Variants in MTCL1 observed in about 807,000 individuals in gnomAD.
MTCL1 encodes microtubule crosslinking factor 1.
A neutral mutation model predicts 141.4 loss-of-function variants in MTCL1; 79 were observed. The ratio of observed to expected loss-of-function variants is 0.56; its 90% CI spans 0.47 to 0.67. MTCL1 has a LOEUF of 0.67. MTCL1 is among the 30% of genes least tolerant of loss of function. MTCL1 has a pLI of 0.00. For missense variants in MTCL1, 2,177 were observed against 2,113.9 expected (o/e 1.03, Z -0.59); for synonymous variants, 914 against 875.8 (o/e 1.04, Z -0.77).
At chr18:8,772,662 A>G (rs2096489559) in intron 4 of MTCL1, among the ~76,000 whole-genome samples, 1 of 151,056 alleles carries the variant, frequency 6.6e-6, no homozygotes, top group Admixed American at 6.6e-5. Flanking sequence ...CATGTTATGT[A>G]TATAACATAA....
At chr18:8,805,734 G>T (rs1304593551) in intron 10 of MTCL1, among the ~76,000 whole-genome samples, 15 of 152,160 alleles carry the variant, frequency 9.9e-5, no homozygotes, top group Non-Finnish European at 1.8e-4. Context: ...GTGGGACTTA[G>T]AGAGCTTTTA....
intron 6 of MTCL1, 27 bp downstream of exon 5, chr18:8,784,870 C>G (rs916415410): frequency 6.5e-7 from 1 of 1,535,388 alleles, no homozygotes; most frequent in Admixed American, 1.9e-5. Flanking sequence ...CTTCGCCTCC[C>G]TGCTCCGCCT....
intron 4 of MTCL1, among the ~76,000 whole-genome samples, chr18:8,761,529 G>T (rs539972608): frequency 2.4e-4 from 36 of 152,190 alleles, no homozygotes; most frequent in Admixed American, 1.0e-3. Flanking sequence ...GGTGACCTCT[G>T]TTCTTTCTAT....
exon 15 of MTCL1, chr18:8,826,010 G>A (rs756126767): frequency 6.2e-7 from 1 of 1,608,620 alleles, no homozygotes; most frequent in South Asian, 1.1e-5. Flanking sequence ...TTGGGGTGGG[G>A]TCAGAGATGT....
chr18:8,715,611 A>C (rs904567781), upstream of MTCL1, among the ~76,000 whole-genome samples: 3 of 152,242 alleles, frequency 2.0e-5, no homozygotes, highest in African/African-American at 7.2e-5. Flanking sequence ...ACTCAGAAAC[A>C]AGCATTGCGG....
At chr18:8,823,561 A>G (rs139589576) in intron 14 of MTCL1, among the ~76,000 whole-genome samples, 2 of 152,198 alleles carry the variant, frequency 1.3e-5, no homozygotes, top group African/African-American at 4.8e-5. Flanking sequence ...ACCCATCCCT[A>G]CCATTGCCCT....
chr18:8,820,210 C>G (rs2076797225), intron 13 of MTCL1, among the ~76,000 whole-genome samples: 1 of 152,046 alleles, frequency 6.6e-6, no homozygotes, highest in African/African-American at 2.4e-5. Flanking sequence ...GAGATCGAGA[C>G]CATCCTGGCT....
intron 12 of MTCL1, among the ~76,000 whole-genome samples, chr18:8,816,270 C>A (rs3852835): frequency 0.25 from 37,367 of 151,978 alleles, 4,947 homozygotes; most frequent in Middle Eastern, 0.32. Flanking sequence ...ACTTGGTAAG[C>A]CATATAATAT....
intron 4 of MTCL1, among the ~76,000 whole-genome samples, chr18:8,750,554 G>T (rs1203044902): frequency 6.6e-6 from 1 of 152,184 alleles, no homozygotes; most frequent in East Asian, 1.9e-4. Context: ...GAGGAAGGAA[G>T]GAAGTTTCTA....
At chr18:8,748,587 C>G (rs1317518674) in intron 4 of MTCL1, among the ~76,000 whole-genome samples, 1 of 152,092 alleles carries the variant, frequency 6.6e-6, no homozygotes, top group Non-Finnish European at 1.5e-5. Flanking sequence ...TATGCACACA[C>G]ACACACATAT....
intron 15 of MTCL1, among the ~76,000 whole-genome samples, chr18:8,827,158 C>T (rs11872775): frequency 0.013 from 1,928 of 152,324 alleles, 44 homozygotes; most frequent in African/African-American, 0.044. Flanking sequence ...AGGCTGCTCC[C>T]GCAGATGGCG....
intron 13 of MTCL1, 54 bp downstream of exon 12, chr18:8,819,313 A>T: frequency 6.3e-7 from 1 of 1,582,066 alleles, no homozygotes; most frequent in Admixed American, 1.7e-5. Context: ...GGGAGCCGTC[A>T]TGAAACCTAA....
intron 9 of MTCL1, among the ~76,000 whole-genome samples, chr18:8,797,221 C>T (rs574729137): frequency 6.6e-6 from 1 of 152,270 alleles, no homozygotes; most frequent in East Asian, 1.9e-4. Context: ...AACTTTTGCT[C>T]TTCTTTCTAT....
intron 4 of MTCL1, among the ~76,000 whole-genome samples, chr18:8,762,522 G>T (rs1452895194): frequency 6.6e-6 from 1 of 152,274 alleles, no homozygotes; most frequent in Non-Finnish European, 1.5e-5. Flanking sequence ...GGGTGATGGA[G>T]TCTTCCTTGG....
At chr18:8,781,564 G>C (rs1469809590) in intron 5 of MTCL1, among the ~76,000 whole-genome samples, 1 of 152,152 alleles carries the variant, frequency 6.6e-6, no homozygotes, top group East Asian at 1.9e-4. Context: ...TTGTGTTTCA[G>C]ACAAATAAGA....
At position 8,809,513 on chromosome 18, in the gene MTCL1, T is replaced by C. The variant is rs536165382; in HGVS notation, c.2604+2453T>C. 1.4e-4 allele frequency: 221 copies of C among 1,536,240 alleles called. 1 individual carries two copies. Among genetic ancestry groups the C allele is most frequent in the Non-Finnish European group, 1.9e-4 (213 of 1,146,894 alleles). On this transcript the variant is annotated intron_variant, in intron 11 of 16. Coordinates refer to ENST00000359865, the Ensembl canonical transcript of MTCL1. Reference sequence around the variant, plus strand: ...CTTTAGGCTTCACCAGGCTGCCAGCTGGGTCCACGGTAAAAACGTTGAAGA... The same window carrying C: ...CTTTAGGCTTCACCAGGCTGCCAGCCGGGTCCACGGTAAAAACGTTGAAGA...
chr18:8,743,494 C>T (rs1432750448), intron 4 of MTCL1, among the ~76,000 whole-genome samples: 2 of 152,218 alleles, frequency 1.3e-5, no homozygotes, highest in East Asian at 1.9e-4. Flanking sequence ...ATAGTACTGT[C>T]GTTCAGATGT....
intron 6 of MTCL1, 74 bp downstream of exon 5, chr18:8,784,917 GGCTCACGCT>G (rs2096546072): frequency 1.5e-6 from 2 of 1,333,300 alleles, no homozygotes; most frequent in South Asian, 1.4e-5. Context: ...GCTGCACTCG[GGCTCACGCT>G]GCTCACGGCT....
In MTCL1 at chr18:8,779,517, T is replaced by A. The variant is rs533495197; in HGVS notation, c.417+1625T>A. ...GAGCTGAAGCTGTGATTCCACATCT[T>A]ATGAGAAGGAGTGGCTTCCCCTACT... On this transcript the variant is annotated intron_variant, in intron 5 of 16. Coordinates refer to ENST00000359865, the Ensembl canonical transcript of MTCL1. The surrounding 1 kb of genome is among the most constrained non-coding windows in gnomAD (Gnocchi z 4.1). Among the ~76,000 whole-genome samples the A allele has an allele frequency of 6.6e-6, 1 of 152,288 alleles. No homozygotes were observed. Among genetic ancestry groups the A allele is most frequent in the East Asian group, 1.9e-4 (1 of 5,178 alleles).
Sources: allele counts gnomAD v4.1 joint callset (sites outside exome capture counted in the v4.1 genomes callset), GRCh38; gene constraint gnomAD v4.1.1; non-coding constraint Gnocchi (gnomAD v3.1); transcripts MANE v1.5; gene names NCBI Gene and HGNC (gene_info 2026-07-23, HGNC 2026-07-21).